The following UTRN variants were observed in gnomAD, a reference collection of about 807,000 sequenced individuals.
UTRN encodes utrophin.
A neutral mutation model predicts 463.9 loss-of-function variants in UTRN; 283 were observed. The observed-to-expected ratio is 0.61, with a 90% CI of 0.55 to 0.67. UTRN has a LOEUF of 0.67. Among genes scored for constraint, UTRN ranks in the 30% least tolerant of loss-of-function variants. UTRN has a pLI of 0.00. For missense variants in UTRN, 3,922 were observed against 4,084.3 expected, an observed-to-expected ratio of 0.96 and a Z score of 1.08; for synonymous variants, 1,442 against 1,431.5, an observed-to-expected ratio of 1.01 and a Z score of -0.17.
chr6:144,610,989 C>T (rs1226663758), intron 51 of UTRN, among the ~76,000 whole-genome samples: 1 of 152,136 alleles, frequency 6.6e-6, no homozygotes, highest in Non-Finnish European at 1.5e-5. Flanking sequence ...AATTCAGGAG[C>T]ACATAAAAAG....
At chr6:144,302,759 T>C (rs557483118) in intron 2 of UTRN, among the ~76,000 whole-genome samples, 3 of 151,930 alleles carry the variant, frequency 2.0e-5, no homozygotes, top group African/African-American at 7.2e-5. Context: ...GGAATGAGGG[T>C]AGGTTTGAGT....
chr6:144,785,456 A>C (rs1290475840), intron 61 of UTRN, among the ~76,000 whole-genome samples: 1 of 152,226 alleles, frequency 6.6e-6, no homozygotes, highest in Non-Finnish European at 1.5e-5. Context: ...CATATTAGTC[A>C]TAATTAAAGA....
intron 54 of UTRN, among the ~76,000 whole-genome samples, chr6:144,741,131 A>C (rs773440763): frequency 6.6e-6 from 1 of 152,254 alleles, no homozygotes; most frequent in Non-Finnish European, 1.5e-5. Context: ...TTTAAGAAGT[A>C]TAATCCTAGC....
At chr6:144,616,558 T>A (rs1021004112) in intron 51 of UTRN, among the ~76,000 whole-genome samples, 3 of 151,786 alleles carry the variant, frequency 2.0e-5, no homozygotes, top group Non-Finnish European at 2.9e-5. Context: ...TGAAAAGCCC[T>A]TTTTTAAAAA....
rs1333845808 is a variant in UTRN at position 144,461,328 on chromosome 6, C to G, written c.2839C>G (p.Leu947Val). The change falls in exon 22 of 75, where the codon CTG becomes GTG. Residue 947 changes from leucine (L) to valine (V), a missense_variant. Leu to Val is a conservative substitution (Grantham distance 32). Transcript: ENST00000367545. ...TGATCTTGCCAAGGTGGAGAAGGCC[C>G]TGCAAGAAAAAAAGGTAACATATAT... ...LNDLAKVEKA[L>V]QEKKTLDEIL... 6.4e-7 allele frequency: 1 copy of G among 1,563,154 alleles called. No homozygotes were observed. The highest frequency in any genetic ancestry group is 2.3e-5 in the East Asian group (1 of 44,254).
intron 25 of UTRN, among the ~76,000 whole-genome samples, chr6:144,475,438 A>G (rs1791090989): frequency 6.6e-6 from 1 of 152,190 alleles, no homozygotes; most frequent in Admixed American, 6.5e-5. Flanking sequence ...GGAGTTAGTG[A>G]GTTGGAGAAT....
chr6:144,576,402 C>T (rs1801439945), intron 50 of UTRN, among the ~76,000 whole-genome samples: 1 of 152,070 alleles, frequency 6.6e-6, no homozygotes, highest in African/African-American at 2.4e-5. Context: ...TCCAAGATAG[C>T]TCTGTGTTCT....
chr6:144,761,722 C>A (rs1488747923), intron 58 of UTRN, among the ~76,000 whole-genome samples: 3 of 151,920 alleles, frequency 2.0e-5, no homozygotes, highest in Non-Finnish European at 4.4e-5. Context: ...GCTGCCTTCA[C>A]AATATACAAA....
intron 51 of UTRN, among the ~76,000 whole-genome samples, chr6:144,676,654 T>A (rs1489939144): frequency 6.6e-6 from 1 of 152,096 alleles, no homozygotes; most frequent in Non-Finnish European, 1.5e-5. Flanking sequence ...TAGGTATTTC[T>A]CCTAATGCTA....
Position 144,499,405 on chromosome 6 carries a change from A to G in UTRN, c.4742A>G (p.Asp1581Gly). 1 of 1,608,060 alleles carries G rather than the reference A, an allele frequency of 6.2e-7. No homozygotes were observed. The highest frequency in any genetic ancestry group is 8.5e-7 in the Non-Finnish European group (1 of 1,175,634). ...STSEGLLGDL[D>G]TEISWAKNVL... ...TCAGAAGGTCTGCTTGGTGACTTGG[A>G]TACAGAAATTTCCTGGGCTAAAGTA... The change falls in exon 34 of 75, where the codon GAT becomes GGT. Residue 1581 changes from aspartate (D) to glycine (G), a missense_variant. Transcript: ENST00000367545.
chr6:144,748,379 G>T lies in UTRN; in HGVS notation c.8073G>T (p.Glu2691Asp), dbSNP rs1432471512. The change falls in exon 55 of 75, where the codon GAG becomes GAT. Residue 2691 changes from glutamate (E) to aspartate (D), a missense_variant. By Grantham distance (45) the Glu-to-Asp change is conservative. Transcript: ENST00000367545. The stretch of plus-strand genomic sequence containing the variant: ...AAAAGCAAGTGGACAAGGCATTGGA[G>T]AAACTCAGAGACCTGCAGGGAGCTA... ...NWQKQVDKAL[E>D]KLRDLQGAMD... 2 of 1,613,782 alleles carry T rather than the reference G, an allele frequency of 1.2e-6. No individual in the cohort carries two copies. Among genetic ancestry groups the T allele is most frequent in the Non-Finnish European group, 1.7e-6 (2 of 1,179,946 alleles).
intron 4 of UTRN, among the ~76,000 whole-genome samples, chr6:144,423,268 G>A (rs926385523): frequency 9.9e-5 from 15 of 152,202 alleles, no homozygotes; most frequent in African/African-American, 3.6e-4. Flanking sequence ...ACTCTTTGGG[G>A]GTGGGGTTGG....
chr6:144,828,930 T>A, intron 69 of UTRN, 75 bp downstream of exon 69: 2 of 1,507,422 alleles, frequency 1.3e-6, no homozygotes, highest in Non-Finnish European at 1.8e-6. Context: ...CAATCTTCAC[T>A]GATGTGGCTC....
intron 3 of UTRN, among the ~76,000 whole-genome samples, chr6:144,414,129 T>TA (rs568501267): frequency 0.056 from 8,097 of 143,326 alleles, 419 homozygotes; most frequent in African/African-American, 0.14. Flanking sequence ...TCCTACTCAT[T>TA]AAAAAAAAAA....
intron 3 of UTRN, among the ~76,000 whole-genome samples, chr6:144,412,716 A>G (rs1784006267): frequency 7.1e-6 from 1 of 140,762 alleles, no homozygotes; most frequent in African/African-American, 3.0e-5. Context: ...TACACTATAT[A>G]TGTTTGTGTG....
At chr6:144,646,713 G>A (rs1404154709) in intron 51 of UTRN, among the ~76,000 whole-genome samples, 3 of 151,914 alleles carry the variant, frequency 2.0e-5, no homozygotes, top group South Asian at 2.1e-4. Flanking sequence ...ATCAGGGGGC[G>A]GCTTTTAATT....
chr6:144,843,042 A>G (rs1415372846), intron 73 of UTRN, among the ~76,000 whole-genome samples: 1 of 152,192 alleles, frequency 6.6e-6, no homozygotes, highest in Non-Finnish European at 1.5e-5. Flanking sequence ...TTCAATTGTT[A>G]TGTTACTTAG....
intron 65 of UTRN, 48 bp from the exon 66 acceptor site, chr6:144,820,834 T>C (rs2128753177): frequency 1.3e-6 from 2 of 1,580,738 alleles, no homozygotes; most frequent in South Asian, 1.2e-5. Context: ...TAGATAGTTA[T>C]TGCCTTCCAT....
intron 13 of UTRN, among the ~76,000 whole-genome samples, chr6:144,442,615 A>G (rs368452681): frequency 1.4e-4 from 21 of 146,918 alleles, no homozygotes; most frequent in African/African-American, 5.7e-4. Flanking sequence ...TGGCAGGCAA[A>G]GAGAGAGAGC....
Sources: gnomAD v4.1 joint callset for allele counts (sites outside exome capture counted in the v4.1 genomes callset) on GRCh38, gnomAD v4.1.1 for gene constraint, MANE v1.5 for transcripts, NCBI Gene and HGNC (gene_info 2026-07-23, HGNC 2026-07-21) for gene names.